The following RAP1GDS1 variants were observed in gnomAD, a reference collection of about 807,000 sequenced individuals.
The protein encoded by RAP1GDS1 is RAP1, GTP-GDP dissociation stimulator 1.
Under a neutral mutation model 71.1 loss-of-function variants are expected in RAP1GDS1, and 35 were observed. That is an observed-to-expected ratio of 0.49 (90% CI 0.38 to 0.65). The LOEUF (loss-of-function observed/expected upper bound fraction) is 0.65, where lower values mean the gene tolerates loss of function less well. Ranked by LOEUF, RAP1GDS1 falls within the 30% of genes least tolerant of loss-of-function variation. The probability of loss-of-function intolerance (pLI) is 0.00; values close to 1 mark genes in which losing one functional copy is unlikely to be tolerated. For synonymous variants in RAP1GDS1, 229 were observed against 243.1 expected (o/e 0.94, Z 0.54); for missense variants, 663 against 706.1 (o/e 0.94, Z 0.69).
At chr4:98,424,455 G>C (rs1477221097) in intron 12 of RAP1GDS1, among the ~76,000 whole-genome samples, 1 of 152,080 alleles carries the variant, frequency 6.6e-6, no homozygotes, top group Non-Finnish European at 1.5e-5. Context: ...TGAAGAAGAA[G>C]AGAAATCTAA....
chr4:98,331,033 CG>C (rs1435048000), intron 2 of RAP1GDS1, among the ~76,000 whole-genome samples: 2 of 152,138 alleles, frequency 1.3e-5, no homozygotes, highest in African/African-American at 4.8e-5. Flanking sequence ...AGCGAGACTC[CG>C]TCTGCAATCC....
At chr4:98,315,516 G>A (rs932219739) in intron 2 of RAP1GDS1, among the ~76,000 whole-genome samples, 10 of 151,930 alleles carry the variant, frequency 6.6e-5, no homozygotes, top group African/African-American at 2.4e-4. Context: ...CAGCTAAAAT[G>A]TGGGGGCCTG....
chr4:98,274,492 T>TA (rs1471445182), intron 1 of RAP1GDS1, among the ~76,000 whole-genome samples: 1 of 152,194 alleles, frequency 6.6e-6, no homozygotes, highest in Non-Finnish European at 1.5e-5. Context: ...TGATGAATAA[T>TA]AGAGTGAAGT....
At chr4:98,305,034 T>G (rs1429687769) in intron 2 of RAP1GDS1, among the ~76,000 whole-genome samples, 2 of 152,182 alleles carry the variant, frequency 1.3e-5, no homozygotes, top group African/African-American at 4.8e-5. Flanking sequence ...TGTGTGTCTG[T>G]TTTTGTACCA....
At chr4:98,399,902 C>T (rs943938900) in intron 6 of RAP1GDS1, among the ~76,000 whole-genome samples, 4 of 152,100 alleles carry the variant, frequency 2.6e-5, no homozygotes, top group African/African-American at 7.2e-5. Context: ...CACCTGTAAT[C>T]CCAACACTTT....
chr4:98,303,627 AATAAT>A (rs3048386), intron 2 of RAP1GDS1, among the ~76,000 whole-genome samples: 3,485 of 141,294 alleles, frequency 0.025, 62 homozygotes, highest in African/African-American at 0.048. Context: ...GTAAATTAAT[AATAAT>A]ATAATATAAT....
At chr4:98,431,647 A>G (rs1364791872) in intron 12 of RAP1GDS1, among the ~76,000 whole-genome samples, 3 of 152,206 alleles carry the variant, frequency 2.0e-5, no homozygotes, top group Non-Finnish European at 4.4e-5. Context: ...ACTTGGGCAA[A>G]TGACTTCATC....
intron 7 of RAP1GDS1, among the ~76,000 whole-genome samples, chr4:98,414,952 C>T (rs947618005): frequency 2.0e-5 from 3 of 151,588 alleles, no homozygotes; most frequent in Non-Finnish European, 2.9e-5. Flanking sequence ...AGTTGGATTC[C>T]TAGGTATTTT....
intron 6 of RAP1GDS1, among the ~76,000 whole-genome samples, chr4:98,402,967 GT>G (rs1745647755): frequency 6.6e-6 from 1 of 152,148 alleles, no homozygotes; most frequent in Non-Finnish European, 1.5e-5. Context: ...GTATGAGAAA[GT>G]AATAGAGTAA....
chr4:98,377,779 C>T (rs1357092324), intron 4 of RAP1GDS1, among the ~76,000 whole-genome samples: 2 of 151,678 alleles, frequency 1.3e-5, no homozygotes, highest in African/African-American at 2.4e-5. Context: ...TAACTAACTT[C>T]GTAGCTGTAA....
At chr4:98,411,622 T>C (rs1300525860) in intron 7 of RAP1GDS1, among the ~76,000 whole-genome samples, 1 of 152,234 alleles carries the variant, frequency 6.6e-6, no homozygotes, top group Non-Finnish European at 1.5e-5. Context: ...AAATAACCTA[T>C]AACTTTCCTT....
intron 12 of RAP1GDS1, 48 bp from the exon 13 acceptor site, chr4:98,433,888 T>G (rs748054937): frequency 6.5e-7 from 1 of 1,534,116 alleles, no homozygotes; most frequent in African/African-American, 1.4e-5. Flanking sequence ...TGCATGTTCC[T>G]TATGTTTAAA....
intron 1 of RAP1GDS1, among the ~76,000 whole-genome samples, chr4:98,278,130 T>C (rs1052817316): frequency 1.3e-5 from 2 of 151,556 alleles, no homozygotes; most frequent in Admixed American, 1.3e-4. Flanking sequence ...ACCCGGGAGG[T>C]GGAGATTGTA....
rs889737766 is a variant in RAP1GDS1, at chr4:98,261,630, G to A, written c.4+61G>A. On this transcript the variant is annotated intron_variant, in intron 1 of 14. Transcript: ENST00000408927. ...TTTTTTTCTTTCTCGGCGTGCTGCA[G>A]GGTGGGAAGCATTTCTCGCGCAAAG... 22 of 1,556,134 alleles carry A rather than the reference G, an allele frequency of 1.4e-5. No individual in the cohort carries two copies. In the African/African-American group the frequency reaches 2.7e-4, roughly 19 times the overall value.
At chr4:98,419,978 A>G (rs747189321) in intron 10 of RAP1GDS1, 41 bp from the exon 11 acceptor site, 1 of 1,519,728 alleles carries the variant, frequency 6.6e-7, no homozygotes, top group Non-Finnish European at 8.9e-7. Flanking sequence ...ATCAACAGGA[A>G]TGCTAATACC....
chr4:98,276,944 T>C (rs1724300537), intron 1 of RAP1GDS1, among the ~76,000 whole-genome samples: 1 of 152,158 alleles, frequency 6.6e-6, no homozygotes. Context: ...TCTCTCTACT[T>C]GGCTAGATTA....
chr4:98,324,381 AG>A (rs1247699068), intron 2 of RAP1GDS1, among the ~76,000 whole-genome samples: 2 of 152,202 alleles, frequency 1.3e-5, no homozygotes, highest in East Asian at 3.8e-4. Flanking sequence ...ATCCCCATAA[AG>A]CTACCAATGA....
At chr4:98,425,982 A>G (rs1387011877) in intron 12 of RAP1GDS1, among the ~76,000 whole-genome samples, 2 of 152,190 alleles carry the variant, frequency 1.3e-5, no homozygotes, top group Non-Finnish European at 1.5e-5. Context: ...ACCACAAAAC[A>G]AGCCTCAATA....
chr4:98,374,907 CAGTT>C (rs1166397436), intron 4 of RAP1GDS1, among the ~76,000 whole-genome samples: 1 of 152,126 alleles, frequency 6.6e-6, no homozygotes, highest in Non-Finnish European at 1.5e-5. Flanking sequence ...ATTCCTATTA[CAGTT>C]AGCCTGTAGA....
Sources: allele counts gnomAD v4.1 joint callset (sites outside exome capture counted in the v4.1 genomes callset), GRCh38; gene constraint gnomAD v4.1.1; transcripts MANE v1.5; gene names NCBI Gene and HGNC (gene_info 2026-07-23, HGNC 2026-07-21).